The following SEMA3A variants were observed in gnomAD, a reference collection of about 807,000 sequenced individuals.
SEMA3A encodes semaphorin 3A.
Under a neutral mutation model 97.9 loss-of-function variants are expected in SEMA3A, and 29 were observed. That is an observed-to-expected ratio of 0.30 (90% CI 0.22 to 0.40). The LOEUF (loss-of-function observed/expected upper bound fraction) is 0.40, where lower values mean the gene tolerates loss of function less well. Among genes scored for constraint, SEMA3A ranks in the 10% least tolerant of loss-of-function variants. The pLI is 1.00. For synonymous variants in SEMA3A, 321 were observed against 323.7 expected (o/e 0.99, Z 0.09); for missense variants, 763 against 951.3 (o/e 0.80, Z 2.60).
At chr7:84,022,671 A>G (rs1791371747) in intron 6 of SEMA3A, among the ~76,000 whole-genome samples, 1 of 152,256 alleles carries the variant, frequency 6.6e-6, no homozygotes, top group East Asian at 1.9e-4. Flanking sequence ...TAAAAGCTGA[A>G]CATCAAAAGG....
chr7:84,423,919 A>T (rs2116287675), intron 1 of SEMA3A, among the ~76,000 whole-genome samples: 1 of 152,148 alleles, frequency 6.6e-6, no homozygotes, highest in East Asian at 1.9e-4. Flanking sequence ...TTATCAGGGG[A>T]ATGCAAATTA....
At chr7:84,067,680 C>A (rs979511804) in intron 4 of SEMA3A, among the ~76,000 whole-genome samples, 6 of 152,188 alleles carry the variant, frequency 3.9e-5, no homozygotes, top group Admixed American at 3.3e-4. Flanking sequence ...AAATGCTCAT[C>A]ATCACTGGTC....
At chr7:84,179,167 G>A (rs532525253) in intron 1 of SEMA3A, among the ~76,000 whole-genome samples, 17 of 151,996 alleles carry the variant, frequency 1.1e-4, no homozygotes, top group African/African-American at 2.2e-4. Flanking sequence ...AGAACATATC[G>A]TACTTACCTA....
At chr7:84,184,878 A>G (rs1331567720) in intron 1 of SEMA3A, among the ~76,000 whole-genome samples, 1 of 152,158 alleles carries the variant, frequency 6.6e-6, no homozygotes, top group Non-Finnish European at 1.5e-5. Context: ...TGCCCAGAAG[A>G]GAGCAGAGAA....
chr7:84,290,790 A>G (rs1455010762), intron 3 of SEMA3A, among the ~76,000 whole-genome samples: 2 of 152,142 alleles, frequency 1.3e-5, no homozygotes, highest in African/African-American at 4.8e-5. Flanking sequence ...AGAGATGAAC[A>G]TTTAACTGTG....
intron 1 of SEMA3A, among the ~76,000 whole-genome samples, chr7:84,407,786 A>G (rs1165526671): frequency 2.6e-5 from 4 of 152,202 alleles, no homozygotes; most frequent in Admixed American, 2.6e-4. Context: ...AAAAACGAGC[A>G]ATGGGGAAGG....
At chr7:84,462,486 A>C (rs1487531796) in intron 1 of SEMA3A, among the ~76,000 whole-genome samples, 4 of 152,194 alleles carry the variant, frequency 2.6e-5, no homozygotes, top group African/African-American at 7.2e-5. Flanking sequence ...CACTAGCTCC[A>C]CAGGATCATT....
intron 1 of SEMA3A, among the ~76,000 whole-genome samples, chr7:84,415,664 T>C (rs570061728): frequency 6.6e-6 from 1 of 152,168 alleles, no homozygotes; most frequent in African/African-American, 2.4e-5. Flanking sequence ...AGGTTTGGAA[T>C]TTTTTAAATT....
chr7:84,352,731 G>C (rs1317312159), intron 2 of SEMA3A, among the ~76,000 whole-genome samples: 1 of 151,740 alleles, frequency 6.6e-6, no homozygotes, highest in Non-Finnish European at 1.5e-5. Flanking sequence ...TAGGGGAAAA[G>C]AAAGATACAG....
chr7:84,086,211 A>G (rs1289093949), intron 4 of SEMA3A, among the ~76,000 whole-genome samples: 2 of 151,780 alleles, frequency 1.3e-5, no homozygotes, highest in Non-Finnish European at 2.9e-5. Flanking sequence ...TCCCTGGTAC[A>G]TGCATTAAAC....
intron 2 of SEMA3A, among the ~76,000 whole-genome samples, chr7:84,368,603 T>A (rs972385129): frequency 6.6e-6 from 1 of 150,724 alleles, no homozygotes; most frequent in Non-Finnish European, 1.5e-5. Context: ...ATGACCAAAG[T>A]AAGATAAATT....
chr7:84,024,845 T>C (rs530509383), intron 6 of SEMA3A, among the ~76,000 whole-genome samples: 2 of 151,872 alleles, frequency 1.3e-5, no homozygotes, highest in African/African-American at 4.8e-5. Context: ...CCCAGAACTT[T>C]GGGAGGCCGA....
chr7:84,187,501 A>C (rs1431588697), intron 1 of SEMA3A, among the ~76,000 whole-genome samples: 1 of 152,072 alleles, frequency 6.6e-6, no homozygotes, highest in Non-Finnish European at 1.5e-5. Context: ...AGACTAACAA[A>C]TATGACCTGG....
At chr7:84,112,019 T>G (rs551749482) in intron 3 of SEMA3A, among the ~76,000 whole-genome samples, 2 of 152,244 alleles carry the variant, frequency 1.3e-5, no homozygotes, top group East Asian at 1.9e-4. Context: ...GCATGAAGGC[T>G]TGGGCAGAGG....
intron 4 of SEMA3A, among the ~76,000 whole-genome samples, chr7:84,109,188 G>C (rs955726780): frequency 6.6e-6 from 1 of 152,104 alleles, no homozygotes; most frequent in Non-Finnish European, 1.5e-5. Context: ...ATGTGTACAA[G>C]GTCTCCAGGA....
intron 5 of SEMA3A, among the ~76,000 whole-genome samples, chr7:84,048,742 T>C (rs901681088): frequency 3.9e-5 from 6 of 152,090 alleles, no homozygotes; most frequent in Non-Finnish European, 8.8e-5. Context: ...TCAGACCATG[T>C]CAACAGGAGG....
intron 2 of SEMA3A, among the ~76,000 whole-genome samples, chr7:84,324,012 T>G (rs1801717314): frequency 6.6e-6 from 1 of 152,208 alleles, no homozygotes; most frequent in African/African-American, 2.4e-5. Flanking sequence ...AAGTTTGTAA[T>G]TATGTATTAC....
At chr7:84,150,608 G>A (rs1221366728) in intron 1 of SEMA3A, among the ~76,000 whole-genome samples, 1 of 152,186 alleles carries the variant, frequency 6.6e-6, no homozygotes, top group Admixed American at 6.5e-5. Context: ...GAGTCTCGCT[G>A]ATTGCTAGCA....
rs1327885682 is a variant in SEMA3A at position 84,134,951 on chromosome 7, T to C, written c.113A>G (p.Glu38Gly). The C allele has an allele frequency of 1.2e-6, 2 of 1,612,076 alleles. No individual in the cohort carries two copies. The highest frequency in any genetic ancestry group is 1.7e-6 in the Non-Finnish European group (2 of 1,179,262). ...GATCACATTGTTGGATTCCAACATT[T>C]CTGCAAGGTAACAAAGCAAAACATT... is the stretch of plus-strand genomic sequence containing the variant. ...NVPRLKLSYK[E>G]MLESNNVITF... is the part of the protein sequence containing the mutation. The change falls in exon 2 of 17, where the codon GAA (glutamate) becomes GGA (glycine). Residue 38 changes from glutamate to glycine, a missense_variant and splice_region_variant. Coordinates refer to ENST00000265362, the MANE Select transcript of SEMA3A (RefSeq NM_006080.3).
Sources: allele counts gnomAD v4.1 joint callset (sites outside exome capture counted in the v4.1 genomes callset), GRCh38; gene constraint gnomAD v4.1.1; transcripts MANE v1.5; gene names NCBI Gene and HGNC (gene_info 2026-07-23, HGNC 2026-07-21).